Variants in PTPRC observed in about 807,000 individuals in gnomAD.
PTPRC encodes receptor-type tyrosine-protein phosphatase C.
PTPRC carries 44 observed loss-of-function variants against 155.9 expected under a neutral mutation model. That is an observed-to-expected ratio of 0.28 (90% confidence interval 0.22 to 0.36). The LOEUF is 0.36. PTPRC is among the 10% of genes least tolerant of loss of function. PTPRC has a pLI of 1.00. For missense variants in PTPRC, 1,401 were observed against 1,564.6 expected (o/e 0.90, Z 1.76); for synonymous variants, 525 against 533.1 (o/e 0.98, Z 0.21).
Position 198,752,144 on chromosome 1 carries a change from A to G in PTPRC, c.3208-105A>G, listed in dbSNP as rs1655410225. On this transcript the variant is annotated intron_variant, in intron 29 of 32. Coordinates refer to ENST00000442510, the MANE Select transcript of PTPRC (RefSeq NM_002838.5). ...TTTAGAACACAATAATTTTCATTTA[A>G]TAGAAAAGAGGCACAGACAGAGAAA... is the stretch of plus-strand genomic sequence containing the variant. The G allele has an allele frequency of 2.3e-6, 3 of 1,308,580 alleles. No individual in the cohort carries two copies. In the East Asian group the frequency reaches 7.1e-5, roughly 31 times the overall value. 81.1% of individuals were successfully genotyped at this position (1,308,580 alleles called of 1,614,324 possible). A position where few individuals can be genotyped will look rare whatever the true frequency, so the allele number is the denominator to read the frequency against.
chr1:198,642,955 T>C (rs1408081692), intron 2 of PTPRC, among the ~76,000 whole-genome samples: 2 of 150,330 alleles, frequency 1.3e-5, no homozygotes, highest in Non-Finnish European at 3.0e-5. Context: ...TTTCTTTCTT[T>C]CTTTCTTTCT....
chr1:198,659,799 C>T (rs1663838302), intron 2 of PTPRC, among the ~76,000 whole-genome samples: 1 of 151,730 alleles, frequency 6.6e-6, no homozygotes, highest in Admixed American at 6.6e-5. Context: ...GCCTTGGCCT[C>T]CCAAAGTATT....
rs960784004 is a variant in PTPRC at position 198,677,343 on chromosome 1, T to C, written c.74-15004T>C. ...TGAGAGAGGGCCTTCATTATCAGTG[T>C]CACATTTATTTTCCAGAAAGATTTC... On this transcript the variant is annotated intron_variant, in intron 2 of 32. Transcript: ENST00000442510. Among the ~76,000 whole-genome samples the C allele has an allele frequency of 2.6e-5, 4 of 152,312 alleles. No homozygotes were observed. In the South Asian group the frequency reaches 8.3e-4, roughly 32 times the overall value.
Position 198,702,255 on chromosome 1 carries a change from G to A in PTPRC, c.440-132G>A, listed in dbSNP as rs77862283. ...TACAGTTCTGTAGAATGCATGTGTC[G>A]TGGTATAGCAGAAGTGCTTGAAGAT... On this transcript the variant is annotated intron_variant, in intron 5 of 32. Coordinates refer to ENST00000442510, the MANE Select transcript of PTPRC (RefSeq NM_002838.5). 17,670 of 1,138,104 alleles carry A rather than the reference G, an allele frequency of 0.016. 208 individuals are homozygous for A. Among genetic ancestry groups the A allele is most frequent in the Non-Finnish European group, 0.017 (12,442 of 753,410 alleles). 70.5% of individuals were successfully genotyped at this position (1,138,104 alleles called of 1,614,324 possible). A position where few individuals can be genotyped will look rare whatever the true frequency, so the allele number is the denominator to read the frequency against.
At chr1:198,752,837 G>A (rs1655450323) in intron 31 of PTPRC, 65 bp downstream of exon 31, 5 of 1,528,308 alleles carry the variant, frequency 3.3e-6, no homozygotes, top group Non-Finnish European at 4.5e-6. Flanking sequence ...TTCACATGTT[G>A]TCTTATCTAG....
chr1:198,670,911 T>C (rs984579746), intron 2 of PTPRC, among the ~76,000 whole-genome samples: 3 of 152,114 alleles, frequency 2.0e-5, no homozygotes, highest in African/African-American at 4.8e-5. Context: ...GACAATACAG[T>C]ATAACAACTA....
intron 2 of PTPRC, among the ~76,000 whole-genome samples, chr1:198,644,517 T>C (rs1465032948): frequency 6.6e-5 from 10 of 151,922 alleles, no homozygotes; most frequent in Non-Finnish European, 1.5e-5. Context: ...TAATCTTCAT[T>C]CCTGTTTGTA....
chr1:198,708,674 T>C (rs16843752), intron 10 of PTPRC, among the ~76,000 whole-genome samples: 5,305 of 152,254 alleles, frequency 0.035, 154 homozygotes, highest in East Asian at 0.14. Context: ...AGAGTTTACT[T>C]TTTCCATCCT....
chr1:198,733,521 AG>A (rs1654490803), intron 20 of PTPRC, among the ~76,000 whole-genome samples: 1 of 151,828 alleles, frequency 6.6e-6, no homozygotes, highest in African/African-American at 2.4e-5. Context: ...CCAATGGCAA[AG>A]GTCATCCCTC....
chr1:198,655,647 C>T (rs933235787), intron 2 of PTPRC, among the ~76,000 whole-genome samples: 1 of 152,014 alleles, frequency 6.6e-6, no homozygotes, highest in African/African-American at 2.4e-5. Flanking sequence ...GTGAGATTTA[C>T]AGCTTAGACT....
chr1:198,731,149 C>G (rs1411361220), intron 17 of PTPRC, among the ~76,000 whole-genome samples: 2 of 151,922 alleles, frequency 1.3e-5, no homozygotes, highest in African/African-American at 4.8e-5. Context: ...TTAGTGTAAA[C>G]AGATGATCAA....
chr1:198,681,335 G>A (rs1367791655), intron 2 of PTPRC, among the ~76,000 whole-genome samples: 1 of 152,192 alleles, frequency 6.6e-6, no homozygotes, highest in South Asian at 2.1e-4. Context: ...AATGTGACAA[G>A]GCAGCAAAAT....
At chr1:198,711,650 T>C (rs1008388878) in intron 11 of PTPRC, among the ~76,000 whole-genome samples, 2 of 152,208 alleles carry the variant, frequency 1.3e-5, no homozygotes, top group Non-Finnish European at 2.9e-5. Context: ...ATATTCCTGC[T>C]CTTTGGATGA....
intron 12 of PTPRC, among the ~76,000 whole-genome samples, chr1:198,713,757 T>A (rs1653428792): frequency 6.6e-6 from 1 of 152,206 alleles, no homozygotes. Context: ...GCAGCCTCAA[T>A]GCCTGGGATA....
chr1:198,708,327 A>G, intron 10 of PTPRC, 66 bp downstream of exon 10: 23 of 1,475,426 alleles, frequency 1.6e-5, no homozygotes, highest in Non-Finnish European at 2.2e-5. Context: ...ATATTATTTA[A>G]TCTTACTCTC....
At chr1:198,703,621 T>A (rs182442602) in intron 7 of PTPRC, 1 of 612,504 alleles carries the variant, frequency 1.6e-6, no homozygotes, top group Non-Finnish European at 2.8e-6. Context: ...CCACATCTAC[T>A]AGAACTTTTT....
In PTPRC at chr1:198,756,277, T is replaced by C; in HGVS notation, c.*96T>C. On this transcript the variant is annotated 3_prime_UTR_variant, in exon 33 of 33. Transcript: ENST00000442510. ...TGAAAATAGGTATACAGTGGATTAA[T>C]TAAATGCAGCGAACCAATATTTGTA... is the stretch of plus-strand genomic sequence containing the variant. The C allele has an allele frequency of 1.4e-6, 2 of 1,458,660 alleles. No individual in the cohort carries two copies. The highest frequency in any genetic ancestry group is 1.9e-6 in the Non-Finnish European group (2 of 1,061,432). The allele number at this position is 1,458,660 out of a possible 1,614,324, so 90.4% of individuals were successfully genotyped here. A position where few individuals can be genotyped will look rare whatever the true frequency, so the allele number is the denominator to read the frequency against.
chr1:198,674,931 C>T (rs1664864046), intron 2 of PTPRC, among the ~76,000 whole-genome samples: 1 of 152,024 alleles, frequency 6.6e-6, no homozygotes. Context: ...CCCATTTTTC[C>T]AATATTGTTC....
At chr1:198,689,408 T>C (rs977027843) in intron 2 of PTPRC, among the ~76,000 whole-genome samples, 19 of 152,328 alleles carry the variant, frequency 1.2e-4, no homozygotes, top group Middle Eastern at 3.4e-3. Flanking sequence ...AATTTTCTTT[T>C]ATGAAACTCT....
Sources: gnomAD v4.1 joint callset for allele counts (sites outside exome capture counted in the v4.1 genomes callset) on GRCh38, gnomAD v4.1.1 for gene constraint, MANE v1.5 for transcripts, NCBI Gene and HGNC (gene_info 2026-07-23, HGNC 2026-07-21) for gene names.